Variants in ADCY7 observed in about 807,000 individuals in gnomAD.
ADCY7 encodes adenylate cyclase type 7.
In ADCY7, 72 loss-of-function variants were observed where a neutral mutation model predicts 120.6. That is an observed-to-expected ratio of 0.60 (90% CI 0.49 to 0.73). The LOEUF is 0.73. Ranked by LOEUF, ADCY7 falls within the 30% of genes least tolerant of loss-of-function variation. The pLI, the probability that ADCY7 is intolerant of heterozygous loss-of-function variation, is 0.00. For missense variants in ADCY7, 1,227 were observed against 1,486.0 expected, an observed-to-expected ratio of 0.83 and a Z score of 2.87; for synonymous variants, 661 against 628.0, an observed-to-expected ratio of 1.05 and a Z score of -0.78.
Position 50,287,680 on chromosome 16 carries a change from G to GAA in ADCY7, c.-268-217_-268-216dup, listed in dbSNP as rs11417859. Among the ~76,000 whole-genome samples, 654 of 128,244 alleles carry GAA rather than the reference G, an allele frequency of 5.1e-3. 9 individuals are homozygous for GAA. Among genetic ancestry groups the GAA allele is most frequent in the African/African-American group, 0.014 (490 of 33,864 alleles). 84.1% of individuals were successfully genotyped at this position (128,244 alleles called of 152,430 possible). ...GGGCAACAGAGTGAGGCCCTGTCTT[G>GAA]AAAAAAAAAAAAAAAAGCAGCCACA... On this transcript the variant is annotated intron_variant, in intron 1 of 25. Transcript: ENST00000673801.
chr16:50,291,022 G>A (rs1470322534), intron 3 of ADCY7, among the ~76,000 whole-genome samples: 2 of 152,180 alleles, frequency 1.3e-5, no homozygotes, highest in Non-Finnish European at 2.9e-5. Flanking sequence ...CCCCGGGCAC[G>A]CTGTCCCCAG....
At chr16:50,290,144 AT>A (rs1490350397) in intron 2 of ADCY7, among the ~76,000 whole-genome samples, 1 of 152,212 alleles carries the variant, frequency 6.6e-6, no homozygotes, top group Admixed American at 6.5e-5. Flanking sequence ...TGCTTGTGGT[AT>A]CACCTGCGGC....
At chr16:50,286,429 CAAAA>C (rs34686094) in intron 1 of ADCY7, among the ~76,000 whole-genome samples, 2 of 112,326 alleles carry the variant, frequency 1.8e-5, no homozygotes, top group Admixed American at 9.3e-5. Flanking sequence ...GACCCCATCT[CAAAA>C]AAAAAAAAAA....
At chr16:50,308,184 C>CCT (rs1373096727) in intron 15 of ADCY7, 143 bp from the exon 16 acceptor site, 1 of 1,430,670 alleles carries the variant, frequency 7.0e-7, no homozygotes, top group African/African-American at 1.4e-5. Context: ...GGCAGCTGGG[C>CCT]CACAGTTTTC....
intron 1 of ADCY7, among the ~76,000 whole-genome samples, chr16:50,247,432 G>T (rs992326401): frequency 6.6e-6 from 1 of 152,124 alleles, no homozygotes; most frequent in East Asian, 1.9e-4. Context: ...CACAATCATG[G>T]CTTACGGCAA....
At chr16:50,276,500 C>T (rs1406680866) in intron 1 of ADCY7, among the ~76,000 whole-genome samples, 1 of 152,224 alleles carries the variant, frequency 6.6e-6, no homozygotes, top group Non-Finnish European at 1.5e-5. Flanking sequence ...CTTTCAAAAT[C>T]CTGTGGGGTA....
chr16:50,266,322 T>A, upstream of ADCY7, among the ~76,000 whole-genome samples: 1 of 152,216 alleles, frequency 6.6e-6, no homozygotes, highest in East Asian at 1.9e-4. Context: ...TTTATTATTA[T>A]TTTTTCAAAA....
intron 1 of ADCY7, among the ~76,000 whole-genome samples, chr16:50,274,606 T>C (rs1361704356): frequency 1.3e-5 from 2 of 152,206 alleles, no homozygotes; most frequent in East Asian, 3.9e-4. Context: ...CGCCTTGGTT[T>C]GGGGCTGGGC....
In ADCY7 at chr16:50,317,307, C is replaced by CTT. The variant is rs1241038779; in HGVS notation, c.*1806_*1807dup. The CTT allele has an allele frequency of 6.6e-6, 1 of 152,440 alleles. No individual in the cohort carries two copies. The highest frequency in any genetic ancestry group is 1.5e-5 in the Non-Finnish European group (1 of 68,042). 9.4% of individuals were successfully genotyped at this position (152,440 alleles called of 1,614,324 possible). A position where few individuals can be genotyped will look rare whatever the true frequency, so the allele number is the denominator to read the frequency against. ...AAGTTGCCTTTTTTACACACCAAAA[C>CTT]TTTTTACATGAAGGGCTGGTTTCAC... On this transcript the variant is annotated 3_prime_UTR_variant, in exon 26 of 26. Coordinates refer to ENST00000673801, the MANE Select transcript of ADCY7 (RefSeq NM_001114.5).
intron 7 of ADCY7, among the ~76,000 whole-genome samples, chr16:50,298,539 C>T (rs728962): frequency 0.17 from 25,936 of 152,228 alleles, 2,815 homozygotes; most frequent in Non-Finnish European, 0.25. Context: ...GTGCAAGCTC[C>T]GTGGCTGCAG....
chr16:50,281,244 C>T (rs1294055715), intron 1 of ADCY7, among the ~76,000 whole-genome samples: 1 of 152,226 alleles, frequency 6.6e-6, no homozygotes, highest in East Asian at 1.9e-4. Context: ...TTATCAGCAC[C>T]CCCAGTTTAC....
At chr16:50,309,123 C>G (rs2036277542) in intron 17 of ADCY7, 2 of 329,964 alleles carry the variant, frequency 6.1e-6, no homozygotes, top group Admixed American at 9.1e-5. Context: ...TGCTGGGGCT[C>G]AGAGGCTCAG....
Position 50,292,765 on chromosome 16 carries a change from C to T in ADCY7, c.627C>T (p.Phe209=), listed in dbSNP as rs774992656. ...TGCAGGATGCATCCCGGGACCTCTT[C>T]ACCTACACTGTGAAGTGCATCCAGA... ...HQMQDASRDL[F]TYTVKCIQIR... is the part of the protein sequence containing the mutation. The change falls in exon 5 of 26, where the codon TTC becomes TTT. Residue 209 remains phenylalanine, a synonymous_variant. Transcript: ENST00000673801. 1.2e-6 allele frequency: 2 copies of T among 1,613,944 alleles called. No homozygotes were observed. Among genetic ancestry groups the T allele is most frequent in the South Asian group, 1.1e-5 (1 of 91,084 alleles).
chr16:50,295,029 A>G (rs1304166396), intron 7 of ADCY7, among the ~76,000 whole-genome samples: 1 of 152,198 alleles, frequency 6.6e-6, no homozygotes, highest in Non-Finnish European at 1.5e-5. Context: ...ATGGGGGCTC[A>G]GGAGGAGGAG....
intron 6 of ADCY7, among the ~76,000 whole-genome samples, chr16:50,293,949 A>T (rs1457490745): frequency 5.3e-5 from 8 of 152,026 alleles, no homozygotes; most frequent in Non-Finnish European, 1.0e-4. Flanking sequence ...CACTGACCTG[A>T]GTTTGTCAAG....
chr16:50,301,037 C>T (rs761812162), intron 9 of ADCY7, 45 bp from the exon 10 acceptor site: 1 of 1,601,500 alleles, frequency 6.2e-7, no homozygotes, highest in African/African-American at 1.3e-5. Flanking sequence ...TGGATGCCAG[C>T]CCTCTCTGGG....
At position 50,315,469 on chromosome 16, in the gene ADCY7, G is replaced by C. The variant is rs144584058; in HGVS notation, c.3207G>C (p.Thr1069=). The part of the protein sequence containing the change: ...KGELRTYFVC[T]DTAKFQGLGL... ...AGCTGAGGACTTACTTTGTCTGTAC[G>C]GACACTGCCAAGTTTCAGGGGCTGG... The change falls in exon 26 of 26, where the codon ACG becomes ACC. Residue 1069 remains threonine (T), a synonymous_variant. Coordinates refer to ENST00000673801, the MANE Select transcript of ADCY7 (RefSeq NM_001114.5). The C allele has an allele frequency of 3.1e-6, 5 of 1,613,612 alleles. No homozygotes were observed. In the Admixed American group the frequency reaches 5.0e-5, roughly 16 times the overall value.
intron 1 of ADCY7, among the ~76,000 whole-genome samples, chr16:50,286,527 G>A (rs1436194055): frequency 6.6e-6 from 1 of 152,058 alleles, no homozygotes; most frequent in Non-Finnish European, 1.5e-5. Context: ...CAGGCATGGG[G>A]GCCTGAGCCT....
At position 50,315,515 on chromosome 16, in the gene ADCY7, C is replaced by T; in HGVS notation, c.*10C>T. On this transcript the variant is annotated 3_prime_UTR_variant, in exon 26 of 26. Coordinates refer to ENST00000673801, the MANE Select transcript of ADCY7 (RefSeq NM_001114.5). ...GCTGGGGCTGAACTGAGGGCTCCTG[C>T]TGGATTCCGAAAAGGCCGGGAAGCC... The T allele has an allele frequency of 1.9e-6, 3 of 1,601,074 alleles. No individual in the cohort carries two copies. Among genetic ancestry groups the T allele is most frequent in the South Asian group, 2.2e-5 (2 of 90,842 alleles).
Sources: gnomAD v4.1 joint callset for allele counts (sites outside exome capture counted in the v4.1 genomes callset) on GRCh38, gnomAD v4.1.1 for gene constraint, MANE v1.5 for transcripts, NCBI Gene and HGNC (gene_info 2026-07-23, HGNC 2026-07-21) for gene names.